The following SMYD4 variants were observed in gnomAD, a reference collection of about 807,000 sequenced individuals.
The protein encoded by SMYD4 is SET and MYND domain containing 4, also known as protein-lysine N-methyltransferase SMYD4.
Under a neutral mutation model 72.8 loss-of-function variants are expected in SMYD4, and 68 were observed. The ratio of observed to expected loss-of-function variants is 0.93; its 90% confidence interval spans 0.77 to 1.14. SMYD4 has a LOEUF of 1.14. SMYD4 is among the 50% of genes most tolerant of loss of function. The pLI, the probability that SMYD4 is intolerant of heterozygous loss-of-function variation, is 0.00. For synonymous variants in SMYD4, 407 were observed against 388.6 expected, an observed-to-expected ratio of 1.05 and a Z score of -0.56; for missense variants, 984 against 1,003.7, an observed-to-expected ratio of 0.98 and a Z score of 0.27.
rs1471579503 is a variant in SMYD4 at position 1,821,535 on chromosome 17, C to A, written c.134+6326G>T. ...GTCTCAAAAAAACAAAAACAAAAAA[C>A]AAAGTATATACCTGTGAGTTGGGAA... On this transcript the variant is annotated intron_variant, in intron 2 of 10. Coordinates refer to ENST00000305513, the MANE Select transcript of SMYD4 (RefSeq NM_052928.3). Among the ~76,000 whole-genome samples, 4 of 151,678 alleles carry A rather than the reference C, an allele frequency of 2.6e-5. No homozygotes were observed. In the East Asian group the frequency reaches 7.7e-4, roughly 29 times the overall value.
intron 7 of SMYD4, among the ~76,000 whole-genome samples, chr17:1,785,777 A>AAAAAAAAAAAAAAAAG (rs1567765259): frequency 2.3e-4 from 3 of 12,786 alleles, no homozygotes; most frequent in African/African-American, 7.5e-4. Context: ...AAAAAAAAAG[A>AAAAAAAAAAAAAAAAG]AAAAAAAAAA....
At chr17:1,804,115 T>C (rs1909913651) in intron 4 of SMYD4, among the ~76,000 whole-genome samples, 1 of 151,820 alleles carries the variant, frequency 6.6e-6, no homozygotes, top group Non-Finnish European at 1.5e-5. Context: ...GACCTCATGA[T>C]CCGCCTGCCT....
rs528893108 is a variant in SMYD4 at position 1,811,985 on chromosome 17, C to T, written c.265G>A (p.Val89Met). Reference sequence around the variant, plus strand: ...GAGTGTTTTACCTTAGAGTACAGCACTGCAGCTCCTGTGTAATCTTTCTCC... The same window carrying T: ...GAGTGTTTTACCTTAGAGTACAGCATTGCAGCTCCTGTGTAATCTTTCTCC... Reference protein sequence around the residue: ...FQEKDYTGAAVLYSKGVSHSR... With the variant: ...FQEKDYTGAAMLYSKGVSHSR... The change falls in exon 3 of 11, where the codon GTG (valine) becomes ATG (methionine). Residue 89 changes from valine (V) to methionine (M), a missense_variant. Val to Met is a conservative substitution (Grantham distance 21, BLOSUM62 1). Coordinates refer to ENST00000305513, the MANE Select transcript of SMYD4 (RefSeq NM_052928.3). 2 of 1,614,090 alleles carry T rather than the reference C, an allele frequency of 1.2e-6. No individual in the cohort carries two copies. The highest frequency in any genetic ancestry group is 1.1e-5 in the South Asian group (1 of 91,076).
rs142972466 is a variant in SMYD4, at chr17:1,787,556, G to T, written c.1586C>A (p.Thr529Lys). 62 of 1,595,536 alleles carry T rather than the reference G, an allele frequency of 3.9e-5. No homozygotes were observed. The highest frequency in any genetic ancestry group is 5.3e-5 in the Non-Finnish European group (62 of 1,171,260). Residue 529 changes from threonine to lysine, a missense_variant, in exon 6 of 11, where the codon ACA becomes AAA. Physicochemically the swap from Thr to Lys is moderately conservative, Grantham distance 78 (BLOSUM62 -1). Transcript: ENST00000305513. The stretch of plus-strand genomic sequence containing the variant: ...GAGGCTGATAACAGGGAAGATGCCT[G>T]TGGCAAGGCGCACCTGCCTGCTGTC... ...VTDSRQVRLATGIFPVISLLN... is the reference protein window; with the variant it reads ...VTDSRQVRLAKGIFPVISLLN...
intron 2 of SMYD4, among the ~76,000 whole-genome samples, chr17:1,814,331 G>C (rs906807957): frequency 2.0e-5 from 3 of 151,952 alleles, no homozygotes; most frequent in African/African-American, 7.2e-5. Context: ...ACAACAAAAA[G>C]CCCTGGAGAA....
intron 6 of SMYD4, 144 bp from the exon 7 acceptor site, chr17:1,787,117 T>A: frequency 8.9e-7 from 1 of 1,124,124 alleles, no homozygotes; most frequent in Non-Finnish European, 1.2e-6. Flanking sequence ...AACTGGATAC[T>A]AAAATAAGCT....
chr17:1,798,150 T>C (rs893565961), intron 5 of SMYD4, among the ~76,000 whole-genome samples: 21 of 152,072 alleles, frequency 1.4e-4, no homozygotes, highest in African/African-American at 4.8e-4. Context: ...TTTTTTTTTT[T>C]TCTCTTGAGA....
At chr17:1,797,249 A>G (rs948997123) in intron 5 of SMYD4, among the ~76,000 whole-genome samples, 3 of 152,248 alleles carry the variant, frequency 2.0e-5, no homozygotes, top group African/African-American at 7.2e-5. Context: ...AACTCGGTTT[A>G]GCTAACACCT....
At chr17:1,826,839 G>A (rs879302772) in intron 2 of SMYD4, among the ~76,000 whole-genome samples, 10 of 152,036 alleles carry the variant, frequency 6.6e-5, no homozygotes, top group African/African-American at 1.4e-4. Context: ...TTTTGACACT[G>A]CACTATTTTT....
At chr17:1,791,598 T>G (rs1909032989) in intron 5 of SMYD4, among the ~76,000 whole-genome samples, 1 of 152,124 alleles carries the variant, frequency 6.6e-6, no homozygotes, top group Non-Finnish European at 1.5e-5. Context: ...AATTTAACAA[T>G]GAAAGTGAAC....
In SMYD4 at chr17:1,795,438, TCTATCTAATCATC is replaced by T. The variant is rs1567771937; in HGVS notation, c.1537+4406_1537+4418del. Among the ~76,000 whole-genome samples the T allele has an allele frequency of 7.7e-5, 9 of 117,098 alleles. No individual in the cohort carries two copies. In the East Asian group the frequency reaches 2.1e-3, roughly 27 times the overall value. 76.8% of individuals were successfully genotyped at this position (117,098 alleles called of 152,430 possible). A position where few individuals can be genotyped will look rare whatever the true frequency, so the allele number is the denominator to read the frequency against. On this transcript the variant is annotated intron_variant, in intron 5 of 10. Coordinates refer to ENST00000305513, the MANE Select transcript of SMYD4 (RefSeq NM_052928.3). ...ATCTATCTATCTATCTATCTATCTA[TCTATCTAATCATC>T]TATCTATCTATCTAAGAGACTTGCT...
In SMYD4 at chr17:1,829,861, G is replaced by A. The variant is rs1307206520; in HGVS notation, c.-148C>T. 2 of 342,396 alleles carry A rather than the reference G, an allele frequency of 5.8e-6. No individual in the cohort carries two copies. The highest frequency in any genetic ancestry group is 1.0e-5 in the Non-Finnish European group (2 of 197,046). 21.2% of individuals were successfully genotyped at this position (342,396 alleles called of 1,614,324 possible). On this transcript the variant is annotated 5_prime_UTR_variant, in exon 1 of 11. Transcript: ENST00000305513. ...TTGGCGCCCCGCTCCGCCCCGCACC[G>A]CGTCCGGCGTCCCGCGCCAGGCCTC...
At chr17:1,801,240 A>ATAT (rs1555577244) in intron 4 of SMYD4, among the ~76,000 whole-genome samples, 1 of 151,456 alleles carries the variant, frequency 6.6e-6, no homozygotes, top group Non-Finnish European at 1.5e-5. Context: ...TTTGGATTAA[A>ATAT]TTTTTTCTTT....
chr17:1,822,027 C>T (rs111719315), intron 2 of SMYD4, among the ~76,000 whole-genome samples: 1 of 151,754 alleles, frequency 6.6e-6, no homozygotes, highest in African/African-American at 2.4e-5. Context: ...GAGTTTGAGA[C>T]TAGCCTGGCC....
intron 5 of SMYD4, among the ~76,000 whole-genome samples, chr17:1,797,456 A>T (rs1275966575): frequency 6.6e-6 from 1 of 152,222 alleles, no homozygotes; most frequent in Non-Finnish European, 1.5e-5. Context: ...TTCTCGGCAC[A>T]TCCAACCTTC....
chr17:1,789,764 C>CCAA lies in SMYD4; in HGVS notation c.1538-2161_1538-2160insTTG, dbSNP rs71150816. Among the ~76,000 whole-genome samples, 436 of 90,104 alleles carry CCAA rather than the reference C, an allele frequency of 4.8e-3. 16 individuals are homozygous for CCAA. Among genetic ancestry groups the CCAA allele is most frequent in the African/African-American group, 0.015 (394 of 26,992 alleles). The allele number at this position is 90,104 out of a possible 152,430, so 59.1% of individuals were successfully genotyped here. ...TGGGTGAAAGAGCGAGACTCTGTCTCAAAAAAAAAAAAAAAGTTTTATAAA... is the reference window on the plus strand; with the variant it reads ...TGGGTGAAAGAGCGAGACTCTGTCTCCAAAAAAAAAAAAAAAAAGTTTTATAAA... On this transcript the variant is annotated intron_variant, in intron 5 of 10. Transcript: ENST00000305513.
chr17:1,821,344 G>A (rs1440192104), intron 2 of SMYD4, among the ~76,000 whole-genome samples: 3 of 151,318 alleles, frequency 2.0e-5, no homozygotes, highest in East Asian at 2.0e-4. Flanking sequence ...GAGAAGTCCC[G>A]TCTCTACTAA....
intron 2 of SMYD4, among the ~76,000 whole-genome samples, chr17:1,821,613 T>G (rs769205632): frequency 2.0e-5 from 3 of 151,986 alleles, no homozygotes; most frequent in Admixed American, 2.0e-4. Flanking sequence ...AGAGCAGTAT[T>G]TGCAATGTTT....
intron 5 of SMYD4, among the ~76,000 whole-genome samples, chr17:1,795,747 G>GTTTT (rs368038317): frequency 0.017 from 2,198 of 128,430 alleles, 77 homozygotes; most frequent in African/African-American, 0.064. Flanking sequence ...TGGCCCGTGA[G>GTTTT]TTTTTTTTTT....
Sources: allele counts gnomAD v4.1 joint callset (sites outside exome capture counted in the v4.1 genomes callset), GRCh38; gene constraint gnomAD v4.1.1; transcripts MANE v1.5; gene names NCBI Gene and HGNC (gene_info 2026-07-23, HGNC 2026-07-21).